CACNB2: variants seen among roughly 807,000 people sequenced by gnomAD.
The protein encoded by CACNB2 is voltage-dependent L-type calcium channel subunit beta-2.
In CACNB2, 42 loss-of-function variants were observed where a neutral mutation model predicts 73.3. The ratio of observed to expected loss-of-function variants is 0.57; its 90% CI spans 0.45 to 0.74. CACNB2 has a LOEUF of 0.74. Among genes scored for constraint, CACNB2 ranks in the 30% least tolerant of loss-of-function variants. The pLI is 0.00. For synonymous variants in CACNB2, 348 were observed against 310.3 expected (o/e 1.12, Z -1.28); for missense variants, 940 against 853.0 (o/e 1.10, Z -1.27).
chr10:18,286,189 A>G lies in CACNB2; in HGVS notation c.214-115735A>G, dbSNP rs192759813. 1.0e-3 allele frequency among the ~76,000 whole-genome samples: 153 copies of G among 152,316 alleles called. 3 individuals are homozygous for G. In the East Asian group the frequency reaches 0.019, roughly 19 times the overall value. On this transcript the variant is annotated intron_variant, in intron 2 of 13. Coordinates refer to ENST00000324631, the MANE Select transcript of CACNB2 (RefSeq NM_201596.3). ...CAGCAAAGTTGATCCCACAAAGAAT[A>G]TCTGTATACTCACTGCCTAGACTCT... is the stretch of plus-strand genomic sequence containing the variant.
At chr10:18,143,292 C>T (rs1249534609) in intron 1 of CACNB2, among the ~76,000 whole-genome samples, 6 of 152,160 alleles carry the variant, frequency 3.9e-5, no homozygotes, top group Admixed American at 3.3e-4. Context: ...GGTGAAGCTG[C>T]CAGGCAGCAG....
intron 2 of CACNB2, chr10:18,181,918 G>A (rs890870329): frequency 1.3e-5 from 2 of 151,940 alleles, no homozygotes; most frequent in African/African-American, 4.8e-5. Flanking sequence ...CACTGTGCCC[G>A]GCCTTGAGGT....
Position 18,504,951 on chromosome 10 carries a change from A to G in CACNB2, c.594-1520A>G, listed in dbSNP as rs1170497340. Among the ~76,000 whole-genome samples, 3 of 152,248 alleles carry G rather than the reference A, an allele frequency of 2.0e-5. 1 individual carries two copies. Among genetic ancestry groups the G allele is most frequent in the Admixed American group, 2.0e-4 (3 of 15,278 alleles). On this transcript the variant is annotated intron_variant, in intron 5 of 13. Coordinates refer to ENST00000324631, the MANE Select transcript of CACNB2 (RefSeq NM_201596.3). ...TGAGCCACCGTGCCCGGCCTCTCCTAACATTTTAAATGTAGTTTTGTTTTG... is the reference window on the plus strand; with the variant it reads ...TGAGCCACCGTGCCCGGCCTCTCCTGACATTTTAAATGTAGTTTTGTTTTG...
chr10:18,452,822 G>T (rs2047079556), intron 3 of CACNB2, among the ~76,000 whole-genome samples: 1 of 152,196 alleles, frequency 6.6e-6, no homozygotes, highest in Non-Finnish European at 1.5e-5. Context: ...GCTGACTCTA[G>T]TCATTCCTTA....
At chr10:18,368,249 T>A (rs1368002774) in intron 2 of CACNB2, among the ~76,000 whole-genome samples, 2 of 152,220 alleles carry the variant, frequency 1.3e-5, no homozygotes, top group Non-Finnish European at 2.9e-5. Context: ...TCTACTAATA[T>A]GGGCATTATT....
intron 5 of CACNB2, among the ~76,000 whole-genome samples, chr10:18,505,151 C>G (rs890940015): frequency 1.3e-5 from 2 of 148,984 alleles, no homozygotes; most frequent in African/African-American, 5.0e-5. Context: ...CAGCATTTGT[C>G]ACAATTTTAC....
intron 3 of CACNB2, among the ~76,000 whole-genome samples, chr10:18,488,865 C>A (rs1272891210): frequency 6.6e-6 from 1 of 150,628 alleles, no homozygotes; most frequent in African/African-American, 2.5e-5. Flanking sequence ...CGCTTATGGC[C>A]TGGGAGAACA....
At chr10:18,207,971 T>C (rs554022525) in intron 2 of CACNB2, among the ~76,000 whole-genome samples, 1 of 152,356 alleles carries the variant, frequency 6.6e-6, no homozygotes, top group South Asian at 2.1e-4. Context: ...AGTTGACATA[T>C]GTATGCTTTG....
At chr10:18,170,001 A>G (rs1307448215) in intron 2 of CACNB2, among the ~76,000 whole-genome samples, 46 of 152,178 alleles carry the variant, frequency 3.0e-4, no homozygotes, top group Non-Finnish European at 1.5e-5. Flanking sequence ...CTAGGTGATG[A>G]CAAGATGGCT....
At chr10:18,244,866 G>A (rs1332740375) in intron 2 of CACNB2, among the ~76,000 whole-genome samples, 1 of 152,238 alleles carries the variant, frequency 6.6e-6, no homozygotes, top group Non-Finnish European at 1.5e-5. Context: ...TGGGCACAGT[G>A]TAATCACAAG....
chr10:18,351,459 A>G (rs2041703919), intron 2 of CACNB2, among the ~76,000 whole-genome samples: 1 of 152,164 alleles, frequency 6.6e-6, no homozygotes, highest in African/African-American at 2.4e-5. Context: ...TCTTCTACCT[A>G]TATTTTTTAA....
chr10:18,150,870 T>TTTTTTTTTTTTTTTTTTTG lies in CACNB2; in HGVS notation c.121-3_121-2insTTTTTTTTGTTTTTTTTTT. ...TCTTATTTGTCTTTTTTTTTTTTTT[T>TTTTTTTTTTTTTTTTTTTG]TTTTTTTTTTAGTCATATGGAAAAG... On this transcript the variant is annotated splice_polypyrimidine_tract_variant and intron_variant, in intron 1 of 13. Coordinates refer to ENST00000324631, the MANE Select transcript of CACNB2 (RefSeq NM_201596.3). The TTTTTTTTTTTTTTTTTTTG allele has an allele frequency of 8.5e-7, 1 of 1,174,300 alleles. No homozygotes were observed. Among genetic ancestry groups the TTTTTTTTTTTTTTTTTTTG allele is most frequent in the Non-Finnish European group, 1.2e-6 (1 of 864,342 alleles). The allele number at this position is 1,174,300 out of a possible 1,614,324, so 72.7% of individuals were successfully genotyped here. A position where few individuals can be genotyped will look rare whatever the true frequency, so the allele number is the denominator to read the frequency against.
intron 9 of CACNB2, among the ~76,000 whole-genome samples, chr10:18,523,724 C>T (rs1030324935): frequency 6.6e-6 from 1 of 152,104 alleles, no homozygotes; most frequent in African/African-American, 2.4e-5. Context: ...CAAGGCAAGA[C>T]AGCAATAGAG....
At chr10:18,282,086 A>G (rs1165313769) in intron 2 of CACNB2, among the ~76,000 whole-genome samples, 3 of 143,870 alleles carry the variant, frequency 2.1e-5, no homozygotes, top group Non-Finnish European at 4.4e-5. Context: ...AAAACCTTCC[A>G]GAATTGTCCA....
chr10:18,539,065 G>T (rs2053888708), intron 13 of CACNB2, 165 bp from the exon 14 acceptor site: 10 of 833,494 alleles, frequency 1.2e-5, no homozygotes. Flanking sequence ...ATAGTATAAA[G>T]CCTTATAAAT....
chr10:18,407,433 T>C (rs548771247), intron 3 of CACNB2, among the ~76,000 whole-genome samples: 1 of 152,034 alleles, frequency 6.6e-6, no homozygotes, highest in Non-Finnish European at 1.5e-5. Context: ...GTTCTGTCTT[T>C]AAGTTTTTGA....
intron 2 of CACNB2, among the ~76,000 whole-genome samples, chr10:18,254,701 A>T (rs2037211619): frequency 2.6e-5 from 4 of 152,190 alleles, no homozygotes; most frequent in Admixed American, 2.6e-4. Context: ...GTTCAGTGGA[A>T]GCTGCAAGCA....
chr10:18,425,149 C>T (rs188890130), intron 3 of CACNB2, among the ~76,000 whole-genome samples: 1 of 152,306 alleles, frequency 6.6e-6, no homozygotes. Flanking sequence ...AATGACAGTG[C>T]ATGGCTTTGG....
chr10:18,532,686 A>C (rs1433820660), intron 10 of CACNB2, among the ~76,000 whole-genome samples: 5 of 58,902 alleles, frequency 8.5e-5, no homozygotes, highest in Non-Finnish European at 1.8e-4. Flanking sequence ...CAAAAAAAAA[A>C]AAAAAAAAAA....
Sources: allele counts gnomAD v4.1 joint callset (sites outside exome capture counted in the v4.1 genomes callset), GRCh38; gene constraint gnomAD v4.1.1; transcripts MANE v1.5; gene names NCBI Gene and HGNC (gene_info 2026-07-23, HGNC 2026-07-21).